The following FGF9 variants were observed in gnomAD, a reference collection of about 807,000 sequenced individuals.
FGF9 encodes the protein fibroblast growth factor 9, also known as fibroblast growth factor 9 (glia-activating factor).
FGF9 carries 3 observed loss-of-function variants against 19.9 expected under a neutral mutation model. The observed-to-expected ratio is 0.15, with a 90% CI of 0.07 to 0.39. The LOEUF (loss-of-function observed/expected upper bound fraction) is 0.39. Ranked by LOEUF, FGF9 falls within the 10% of genes least tolerant of loss-of-function variation. The pLI is 1.00. For synonymous variants in FGF9, 107 were observed against 106.9 expected (o/e 1.00, Z -0.01); for missense variants, 175 against 256.8 (o/e 0.68, Z 2.18).
chr13:21,671,951 G>A lies in FGF9; in HGVS notation c.39G>A (p.Val13=), dbSNP rs1281339183. 6.2e-7 allele frequency: 1 copy of A among 1,614,186 alleles called. No homozygotes were observed. The highest frequency in any genetic ancestry group is 8.5e-7 in the Non-Finnish European group (1 of 1,180,038). The change falls in exon 1 of 3, where the codon GTG becomes GTA. Residue 13 remains valine (V), a synonymous_variant. Transcript: ENST00000382353. ...GTGAAGTTGGGAACTATTTCGGTGT[G>A]CAGGATGCGGTACCGTTTGGGAATG... ...PLGEVGNYFG[V]QDAVPFGNVP... is the part of the protein sequence containing the mutation.
In FGF9 at chr13:21,681,256, G is replaced by A. The variant is rs574920124; in HGVS notation, c.381+111G>A. On this transcript the variant is annotated intron_variant, in intron 2 of 2. Transcript: ENST00000382353. The stretch of plus-strand genomic sequence containing the variant: ...ATGCAACTGAGTCTGTTTGGAAGGC[G>A]AGTGTAAGTTTTTACTTTTTGAGGA... 14 of 819,892 alleles carry A rather than the reference G, an allele frequency of 1.7e-5. No homozygotes were observed. The East Asian group carries it at 1.8e-4, about 10-fold the overall frequency. The allele number at this position is 819,892 out of a possible 1,614,324, so 50.8% of individuals were successfully genotyped here.
intron 2 of FGF9, among the ~76,000 whole-genome samples, chr13:21,690,562 G>A (rs1367659747): frequency 6.6e-6 from 1 of 152,160 alleles, no homozygotes; most frequent in Admixed American, 6.5e-5. Flanking sequence ...TGTAGGTGCT[G>A]GAAATACGTT....
At chr13:21,678,069 A>G (rs1871955821) in intron 1 of FGF9, among the ~76,000 whole-genome samples, 1 of 152,196 alleles carries the variant, frequency 6.6e-6, no homozygotes, top group Admixed American at 6.5e-5. Context: ...TGAGGGTAAT[A>G]GGACCTAGGC....
In FGF9 at chr13:21,702,282, T is replaced by C. The variant is rs1465475996; in HGVS notation, c.*847T>C. ...GACAATCTCTTTTGTGCCCATATTA[T>C]TGTAAACTTATGCACATCGCTCATG... On this transcript the variant is annotated 3_prime_UTR_variant, in exon 3 of 3. Coordinates refer to ENST00000382353, the MANE Select transcript of FGF9 (RefSeq NM_002010.3). 1.3e-5 allele frequency: 2 copies of C among 152,202 alleles called. No individual in the cohort carries two copies. Among genetic ancestry groups the C allele is most frequent in the Non-Finnish European group, 2.9e-5 (2 of 68,034 alleles). The allele number at this position is 152,202 out of a possible 1,614,324, so 9.4% of individuals were successfully genotyped here.
intron 1 of FGF9, 54 bp from the exon 2 acceptor site, chr13:21,680,988 A>G: frequency 1.5e-6 from 2 of 1,371,822 alleles, no homozygotes; most frequent in Non-Finnish European, 2.1e-6. Context: ...CTGGGACTCT[A>G]AGGACATGCT....
At chr13:21,685,170 T>C (rs543756829) in intron 2 of FGF9, among the ~76,000 whole-genome samples, 1 of 152,352 alleles carries the variant, frequency 6.6e-6, no homozygotes, top group Non-Finnish European at 1.5e-5. Context: ...TGAAGTTGCA[T>C]GAAGCTCAGT....
intron 2 of FGF9, among the ~76,000 whole-genome samples, chr13:21,696,242 A>G (rs928813254): frequency 2.0e-5 from 3 of 152,178 alleles, no homozygotes; most frequent in Non-Finnish European, 4.4e-5. Flanking sequence ...GATTTGGTAA[A>G]AGTTTTGAAG....
At chr13:21,677,064 A>G (rs191232190) in intron 1 of FGF9, among the ~76,000 whole-genome samples, 342 of 152,272 alleles carry the variant, frequency 2.2e-3, no homozygotes, top group Non-Finnish European at 4.3e-3. Context: ...ATCAAATCCA[A>G]TGGGGTCCCA....
intron 2 of FGF9, among the ~76,000 whole-genome samples, chr13:21,690,395 ACACT>A (rs953377462): frequency 2.8e-4 from 42 of 152,286 alleles, no homozygotes; most frequent in Middle Eastern, 3.4e-3. Context: ...GCTTATACAC[ACACT>A]CACTTGCTCA....
Position 21,672,193 on chromosome 13 carries a change from G to A in FGF9, c.277+4G>A. On this transcript the variant is annotated splice_donor_region_variant and intron_variant, in intron 1 of 2. Transcript: ENST00000382353. The surrounding 1 kb of genome is among the most constrained non-coding windows in gnomAD (Gnocchi z 4.2). ...AGGAAAGACCACAGCCGATTTGGTAGGTATACCATTAACCCTTTAGTGTCC... is the reference window on the plus strand; with the variant it reads ...AGGAAAGACCACAGCCGATTTGGTAAGTATACCATTAACCCTTTAGTGTCC... 1 of 1,614,072 alleles carries A rather than the reference G, an allele frequency of 6.2e-7. No homozygotes were observed. Among genetic ancestry groups the A allele is most frequent in the Non-Finnish European group, 8.5e-7 (1 of 1,179,938 alleles).
chr13:21,676,742 T>A (rs1433045816), intron 1 of FGF9, among the ~76,000 whole-genome samples: 2 of 152,180 alleles, frequency 1.3e-5, no homozygotes, highest in African/African-American at 2.4e-5. Flanking sequence ...AGAGTGCGGT[T>A]CTGTAATGCG....
intron 2 of FGF9, among the ~76,000 whole-genome samples, chr13:21,697,348 T>C: frequency 6.6e-6 from 1 of 152,248 alleles, no homozygotes; most frequent in East Asian, 1.9e-4. Flanking sequence ...GGTCTCACTA[T>C]GTTTTCCAGG....
chr13:21,678,244 T>C (rs1871959819), intron 1 of FGF9, among the ~76,000 whole-genome samples: 1 of 152,232 alleles, frequency 6.6e-6, no homozygotes, highest in African/African-American at 2.4e-5. Context: ...TCTTCATTTC[T>C]AAATTATATA....
chr13:21,699,404 A>G (rs2138148591), intron 2 of FGF9, among the ~76,000 whole-genome samples: 1 of 152,258 alleles, frequency 6.6e-6, no homozygotes, highest in East Asian at 1.9e-4. Context: ...GTCCAGTGAG[A>G]TAGTATTTTG....
Position 21,671,873 on chromosome 13 carries a change from A to G in FGF9, c.-40A>G, listed in dbSNP as rs758229041. 21 of 1,613,138 alleles carry G rather than the reference A, an allele frequency of 1.3e-5. No individual in the cohort carries two copies. Among genetic ancestry groups the G allele is most frequent in the Non-Finnish European group, 1.7e-5 (20 of 1,179,340 alleles). Reference sequence around the variant, plus strand: ...TAATATCTCCTGGGTTGACACCATCATTATTGTTTATTCTTGTGCTCCAAA... The same window carrying G: ...TAATATCTCCTGGGTTGACACCATCGTTATTGTTTATTCTTGTGCTCCAAA... On this transcript the variant is annotated 5_prime_UTR_variant, in exon 1 of 3. Coordinates refer to ENST00000382353, the MANE Select transcript of FGF9 (RefSeq NM_002010.3).
chr13:21,684,252 A>G (rs1312247224), intron 2 of FGF9, among the ~76,000 whole-genome samples: 1 of 152,082 alleles, frequency 6.6e-6, no homozygotes, highest in East Asian at 1.9e-4. Context: ...CCATTATTAC[A>G]TAAGTCACAG....
At chr13:21,674,534 A>C (rs1432308494) in intron 1 of FGF9, among the ~76,000 whole-genome samples, 1 of 151,526 alleles carries the variant, frequency 6.6e-6, no homozygotes, top group African/African-American at 2.4e-5. Context: ...GCGGGGGCGC[A>C]CGGCTGCAGG....
chr13:21,700,399 TA>T (rs1872513473), intron 2 of FGF9, among the ~76,000 whole-genome samples: 1 of 152,200 alleles, frequency 6.6e-6, no homozygotes, highest in Non-Finnish European at 1.5e-5. Context: ...AGGGACCTGT[TA>T]AAAATGCATA....
At chr13:21,682,182 T>A (rs1013226801) in intron 2 of FGF9, among the ~76,000 whole-genome samples, 10 of 146,010 alleles carry the variant, frequency 6.8e-5, no homozygotes, top group South Asian at 2.1e-4. Flanking sequence ...TTAACGAAAA[T>A]TTTTTTTTTT....
Sources: gnomAD v4.1 joint callset for allele counts (sites outside exome capture counted in the v4.1 genomes callset) on GRCh38, gnomAD v4.1.1 for gene constraint, Gnocchi (gnomAD v3.1) non-coding constraint, MANE v1.5 for transcripts, NCBI Gene and HGNC (gene_info 2026-07-23, HGNC 2026-07-21) for gene names.